ACOX1: variants seen among roughly 807,000 people sequenced by gnomAD.
ACOX1 encodes the protein peroxisomal acyl-coenzyme A oxidase 1.
ACOX1 carries 41 observed loss-of-function variants against 75.5 expected under a neutral mutation model. That is an observed-to-expected ratio of 0.54 (90% CI 0.42 to 0.70). ACOX1 has a LOEUF of 0.70. ACOX1 is among the 30% of genes least tolerant of loss of function. ACOX1 has a pLI of 0.00. For missense variants in ACOX1, 630 were observed against 837.5 expected (o/e 0.75, Z 3.06); for synonymous variants, 303 against 298.8 (o/e 1.01, Z -0.15).
intron 6 of ACOX1, among the ~76,000 whole-genome samples, chr17:75,954,769 A>C (rs1286599439): frequency 6.6e-6 from 1 of 150,628 alleles, no homozygotes; most frequent in Non-Finnish European, 1.5e-5. Flanking sequence ...ACAGGTTTTC[A>C]CCATATTGGT....
At position 75,955,819 on chromosome 17, in the gene ACOX1, A is replaced by G. The variant is rs758730165; in HGVS notation, c.658+9T>C. 4 of 1,614,190 alleles carry G rather than the reference A, an allele frequency of 2.5e-6. No homozygotes were observed. The South Asian group carries it at 4.4e-5, about 18-fold the overall frequency. On this transcript the variant is annotated intron_variant, in intron 5 of 13. Transcript: ENST00000293217. ...ATTTTCATCTCAACATCAGATGAAC[A>G]GTTCTTACCTGGCAAAGGCTTATGG...
At chr17:75,965,038 GA>G (rs1555618614) in intron 2 of ACOX1, among the ~76,000 whole-genome samples, 1 of 151,720 alleles carries the variant, frequency 6.6e-6, no homozygotes, top group Admixed American at 6.6e-5. Context: ...GGCTATAAGG[GA>G]AAAAAAATTA....
intron 2 of ACOX1, among the ~76,000 whole-genome samples, chr17:75,976,413 C>T (rs2066051054): frequency 6.6e-6 from 1 of 152,136 alleles, no homozygotes; most frequent in South Asian, 2.1e-4. Flanking sequence ...TTCAAACACA[C>T]ACACACACAC....
chr17:75,977,151 C>A (rs2066058958), intron 2 of ACOX1, among the ~76,000 whole-genome samples: 1 of 151,268 alleles, frequency 6.6e-6, no homozygotes, highest in Admixed American at 6.6e-5. Context: ...AAGCGCACCA[C>A]CAGGCCCGGC....
chr17:75,972,522 T>C (rs1188220985), intron 2 of ACOX1, among the ~76,000 whole-genome samples: 4 of 151,488 alleles, frequency 2.6e-5, no homozygotes, highest in African/African-American at 9.7e-5. Flanking sequence ...GGTGAGCACC[T>C]GTAATTCCAG....
chr17:75,971,163 C>T (rs975815189), intron 2 of ACOX1, among the ~76,000 whole-genome samples: 21 of 151,764 alleles, frequency 1.4e-4, no homozygotes, highest in African/African-American at 4.6e-4. Context: ...TGGTGGCACA[C>T]GCCTCTAATC....
At chr17:75,959,827 C>T (rs2065871902) in intron 3 of ACOX1, among the ~76,000 whole-genome samples, 2 of 152,158 alleles carry the variant, frequency 1.3e-5, no homozygotes, top group Non-Finnish European at 1.5e-5. Context: ...TGTATTTCTT[C>T]TGGAATTTGT....
chr17:75,969,703 A>T (rs1242560955), intron 2 of ACOX1, among the ~76,000 whole-genome samples: 4 of 152,136 alleles, frequency 2.6e-5, no homozygotes, highest in Admixed American at 2.6e-4. Flanking sequence ...ATTATTTCAT[A>T]TTTAAGTGTT....
intron 4 of ACOX1, among the ~76,000 whole-genome samples, chr17:75,956,990 T>C (rs1325329597): frequency 2.0e-5 from 2 of 97,676 alleles, no homozygotes; most frequent in African/African-American, 3.2e-5. Flanking sequence ...TATATATATA[T>C]ATATATATAT....
chr17:75,956,316 A>G (rs2065823409), intron 4 of ACOX1, among the ~76,000 whole-genome samples: 3 of 152,216 alleles, frequency 2.0e-5, no homozygotes, highest in Admixed American at 2.0e-4. Context: ...TATAATGTGA[A>G]TAACAAAATC....
intron 3 of ACOX1, among the ~76,000 whole-genome samples, chr17:75,958,802 C>T (rs905178205): frequency 7.8e-6 from 1 of 127,760 alleles, no homozygotes; most frequent in Non-Finnish European, 1.5e-5. Context: ...AGCACGACTC[C>T]GTCTCAAAAA....
intron 4 of ACOX1, among the ~76,000 whole-genome samples, chr17:75,956,560 C>G (rs896404194): frequency 2.0e-5 from 3 of 151,682 alleles, no homozygotes; most frequent in Non-Finnish European, 4.4e-5. Context: ...TGGTGGCACG[C>G]TCCTGTAGTC....
chr17:75,976,858 C>G (rs781318256), intron 2 of ACOX1, among the ~76,000 whole-genome samples: 1 of 152,050 alleles, frequency 6.6e-6, no homozygotes, highest in East Asian at 1.9e-4. Context: ...GATGAAAATA[C>G]TGGAGTTCCT....
chr17:75,951,516 C>T lies in ACOX1; in HGVS notation c.1006G>A (p.Ala336Thr). The change falls in exon 8 of 14, where the codon GCC (alanine) becomes ACC (threonine). Residue 336 changes from alanine (A) to threonine (T), a missense_variant. Ala to Thr is a moderately conservative substitution (Grantham distance 58, BLOSUM62 0). This residue lies in a region of ACOX1 where 390 missense variants were observed against 574.9 expected (regional missense o/e 0.68). Transcript: ENST00000293217. ...TQQYKLFPLL[A>T]TAYAFQFVGA... is the part of the protein sequence containing the mutation. ...ACAAACTGGAAGGCATAGGCAGTGGCCAGGAGTGGAAAGAGTTTATACTGC... is the reference window on the plus strand; with the variant it reads ...ACAAACTGGAAGGCATAGGCAGTGGTCAGGAGTGGAAAGAGTTTATACTGC... 2 of 1,614,048 alleles carry T rather than the reference C, an allele frequency of 1.2e-6. No homozygotes were observed. Among genetic ancestry groups the T allele is most frequent in the South Asian group, 1.1e-5 (1 of 91,082 alleles).
Position 75,944,247 on chromosome 17 carries a change from AAATTCCTACTCAGT to A in ACOX1, c.*2487_*2500del. Reference sequence around the variant, plus strand: ...ACCCTGTCTCAAAAAGATAAAAATAAAATTCCTACTCAGTAATTTTGGAGAAGACAAGGTTAAAA... The same window carrying A: ...ACCCTGTCTCAAAAAGATAAAAATAAAATTTTGGAGAAGACAAGGTTAAAA... On this transcript the variant is annotated 3_prime_UTR_variant, in exon 14 of 14. Coordinates refer to ENST00000293217, the MANE Select transcript of ACOX1 (RefSeq NM_004035.7). 1 of 152,288 alleles carries A rather than the reference AAATTCCTACTCAGT, an allele frequency of 6.6e-6. No individual in the cohort carries two copies. Among genetic ancestry groups the A allele is most frequent in the Admixed American group, 6.5e-5 (1 of 15,282 alleles). The allele number at this position is 152,288 out of a possible 1,614,324, so 9.4% of individuals were successfully genotyped here. A position where few individuals can be genotyped will look rare whatever the true frequency, so the allele number is the denominator to read the frequency against.
intron 13 of ACOX1, among the ~76,000 whole-genome samples, chr17:75,947,039 T>G (rs1350489040): frequency 6.6e-6 from 1 of 151,774 alleles, no homozygotes; most frequent in Non-Finnish European, 1.5e-5. Flanking sequence ...TGGCTGCTAT[T>G]TGTATTTTTT....
At chr17:75,958,533 G>A in intron 3 of ACOX1, among the ~76,000 whole-genome samples, 1 of 147,818 alleles carries the variant, frequency 6.8e-6, no homozygotes, top group Non-Finnish European at 1.5e-5. Flanking sequence ...TTAAAGCTGG[G>A]CACGGTGGCT....
chr17:75,969,857 G>A (rs9635674), intron 2 of ACOX1, among the ~76,000 whole-genome samples: 7,530 of 152,108 alleles, frequency 0.05, 208 homozygotes, highest in East Asian at 0.095. Context: ...AGAAAGGAAC[G>A]AAAGGAATGG....
intron 2 of ACOX1, among the ~76,000 whole-genome samples, chr17:75,964,759 G>A (rs932062145): frequency 6.6e-6 from 1 of 152,076 alleles, no homozygotes; most frequent in Non-Finnish European, 1.5e-5. Context: ...ATAATTTATC[G>A]TAAAATTACG....
Sources: allele counts gnomAD v4.1 joint callset (sites outside exome capture counted in the v4.1 genomes callset), GRCh38; gene constraint gnomAD v4.1.1; regional missense constraint gnomAD v4.1.1; transcripts MANE v1.5; gene names NCBI Gene and HGNC (gene_info 2026-07-23, HGNC 2026-07-21).